Variants in WLS observed in about 807,000 individuals in gnomAD.
WLS encodes the protein protein wntless homolog.
Under a neutral mutation model 62.8 loss-of-function variants are expected in WLS, and 23 were observed. The observed-to-expected ratio is 0.37, with a 90% CI of 0.26 to 0.52. The LOEUF (loss-of-function observed/expected upper bound fraction) is 0.52, where lower values mean the gene tolerates loss of function less well. Among genes scored for constraint, WLS ranks in the 20% least tolerant of loss-of-function variants. WLS has a pLI of 0.92. For missense variants in WLS, 615 were observed against 697.3 expected (o/e 0.88, Z 1.33); for synonymous variants, 246 against 244.1 (o/e 1.01, Z -0.07).
At chr1:68,188,897 C>T (rs542890854) in intron 2 of WLS, among the ~76,000 whole-genome samples, 6 of 152,306 alleles carry the variant, frequency 3.9e-5, no homozygotes, top group African/African-American at 1.4e-4. Context: ...ATTTGTTAGT[C>T]ACTGAAGATG....
At chr1:68,200,166 T>C (rs17130574) in intron 1 of WLS, among the ~76,000 whole-genome samples, 15,114 of 152,094 alleles carry the variant, frequency 0.099, 1,152 homozygotes, top group East Asian at 0.28. Flanking sequence ...GAATTTTATG[T>C]TTACAATAGA....
At position 68,131,885 on chromosome 1, in the gene WLS, G is replaced by C. The variant is rs527981147; in HGVS notation, c.1517-5550C>G. 4.6e-5 allele frequency among the ~76,000 whole-genome samples: 7 copies of C among 152,306 alleles called. No homozygotes were observed. The East Asian group carries it at 1.2e-3, about 25-fold the overall frequency. On this transcript the variant is annotated intron_variant, in intron 11 of 11. Transcript: ENST00000262348. ...TAGATATACACAAAGGGAAGACCAC[G>C]TGAAGACACAGGGAGAAAGTATCCA... is the stretch of plus-strand genomic sequence containing the variant.
At chr1:68,165,769 ACCTGGCCAT>A (rs1647051502) in intron 2 of WLS, among the ~76,000 whole-genome samples, 1 of 152,168 alleles carries the variant, frequency 6.6e-6, no homozygotes, top group African/African-American at 2.4e-5. Flanking sequence ...CTCAATTCGA[ACCTGGCCAT>A]CCTGTTCATT....
chr1:68,179,577 C>T (rs1647430553), intron 2 of WLS, among the ~76,000 whole-genome samples: 1 of 152,082 alleles, frequency 6.6e-6, no homozygotes, highest in Non-Finnish European at 1.5e-5. Context: ...AGGACTTCAC[C>T]CCCACTAACT....
intron 3 of WLS, among the ~76,000 whole-genome samples, chr1:68,155,995 A>G (rs1053603164): frequency 6.6e-6 from 1 of 152,182 alleles, no homozygotes; most frequent in Non-Finnish European, 1.5e-5. Flanking sequence ...AGCCTCTTGG[A>G]CTTCGTGCCA....
At chr1:68,205,625 A>G (rs1458685939) in intron 1 of WLS, among the ~76,000 whole-genome samples, 1 of 152,236 alleles carries the variant, frequency 6.6e-6, no homozygotes, top group Non-Finnish European at 1.5e-5. Flanking sequence ...TTTAGTGTAT[A>G]TAACTAATGT....
At chr1:68,189,677 A>G (rs1476447515) in intron 2 of WLS, among the ~76,000 whole-genome samples, 1 of 152,260 alleles carries the variant, frequency 6.6e-6, no homozygotes, top group Non-Finnish European at 1.5e-5. Context: ...TTTCAGCAAT[A>G]AGGATAAATA....
intron 9 of WLS, 100 bp from the exon 10 acceptor site, chr1:68,144,752 A>G: frequency 1.1e-6 from 1 of 919,332 alleles, no homozygotes; most frequent in Non-Finnish European, 1.6e-6. Context: ...AATCTGTAAA[A>G]CCAAATCCCT....
chr1:68,174,500 A>G (rs900266467), intron 2 of WLS, among the ~76,000 whole-genome samples: 4 of 152,146 alleles, frequency 2.6e-5, no homozygotes, highest in African/African-American at 7.2e-5. Flanking sequence ...TAATACTATA[A>G]AGAAGGTGGA....
At chr1:68,180,399 G>T (rs1202891948) in intron 2 of WLS, among the ~76,000 whole-genome samples, 3 of 152,038 alleles carry the variant, frequency 2.0e-5, no homozygotes, top group African/African-American at 7.2e-5. Context: ...TGAATAATGG[G>T]CAAAGCAAGA....
chr1:68,159,734 G>A (rs1308386191), intron 2 of WLS, among the ~76,000 whole-genome samples: 1 of 152,082 alleles, frequency 6.6e-6, no homozygotes, highest in Non-Finnish European at 1.5e-5. Context: ...CTCTTCTCTG[G>A]TCACACTCTG....
chr1:68,098,474 A>G, exon 12 of WLS: 1 of 1,186,146 alleles, frequency 8.4e-7, no homozygotes, highest in South Asian at 2.0e-5. Flanking sequence ...GAAGTAAGAC[A>G]ATACTCAAAG....
intron 2 of WLS, among the ~76,000 whole-genome samples, chr1:68,164,265 T>TC (rs949236575): frequency 8.2e-5 from 8 of 97,244 alleles, no homozygotes; most frequent in African/African-American, 3.7e-4. Context: ...AGATTTCATT[T>TC]TTTTTTTTTT....
chr1:68,221,855 C>G (rs189321564), intron 1 of WLS, among the ~76,000 whole-genome samples: 3 of 152,246 alleles, frequency 2.0e-5, no homozygotes, highest in Admixed American at 2.0e-4. Flanking sequence ...TTGCACCACT[C>G]AAATCACAAA....
intron 11 of WLS, among the ~76,000 whole-genome samples, chr1:68,112,138 G>A (rs1646235868): frequency 6.6e-6 from 1 of 152,194 alleles, no homozygotes; most frequent in South Asian, 2.1e-4. Context: ...ATGTCTTTGT[G>A]GACAGAGAAG....
intron 11 of WLS, among the ~76,000 whole-genome samples, chr1:68,101,050 G>A (rs1646070901): frequency 6.6e-6 from 1 of 152,124 alleles, no homozygotes; most frequent in Non-Finnish European, 1.5e-5. Context: ...TCTCTCCCTT[G>A]AAGTGCCTGC....
chr1:68,155,046 T>A lies in WLS; in HGVS notation c.666+53A>T, dbSNP rs1646876955. 10 of 1,571,228 alleles carry A rather than the reference T, an allele frequency of 6.4e-6. No homozygotes were observed. The South Asian group carries it at 1.1e-4, about 17-fold the overall frequency. On this transcript the variant is annotated intron_variant, in intron 4 of 11. Coordinates refer to ENST00000262348, the MANE Select transcript of WLS (RefSeq NM_024911.7). ...AGGTGAGGCATAGAGGTGCCAAGAG[T>A]GAGATGGAGTTCCCCTCCAATACAC...
chr1:68,137,706 T>TAG lies in WLS; in HGVS notation c.1516+72_1516+73dup. The TAG allele has an allele frequency of 3.3e-6, 5 of 1,513,852 alleles. No homozygotes were observed. The East Asian group carries it at 1.1e-4, about 35-fold the overall frequency. The allele number at this position is 1,513,852 out of a possible 1,614,324, so 93.8% of individuals were successfully genotyped here. ...AGTTTCACTGGGCATCTCAGAGCTT[T>TAG]AGCCATTTAAATCTTGTAAAGACAG... On this transcript the variant is annotated intron_variant, in intron 11 of 11. Coordinates refer to ENST00000262348, the MANE Select transcript of WLS (RefSeq NM_024911.7).
Position 68,125,520 on chromosome 1 carries a change from A to G in WLS, c.*706T>C. 1.0e-6 allele frequency: 1 copy of G among 985,480 alleles called. No individual in the cohort carries two copies. The highest frequency in any genetic ancestry group is 1.2e-6 in the Non-Finnish European group (1 of 829,942). The allele number at this position is 985,480 out of a possible 1,614,324, so 61.0% of individuals were successfully genotyped here. ...AAAAAGCTTTTCAGACCCGAAGGCC[A>G]TTTAATACAGTAAATCTTACTTGGG... is the stretch of plus-strand genomic sequence containing the variant. On this transcript the variant is annotated 3_prime_UTR_variant, in exon 12 of 12. Transcript: ENST00000262348.
Sources: allele counts gnomAD v4.1 joint callset (sites outside exome capture counted in the v4.1 genomes callset), GRCh38; gene constraint gnomAD v4.1.1; transcripts MANE v1.5; gene names NCBI Gene and HGNC (gene_info 2026-07-23, HGNC 2026-07-21).